Variants in SOX6 observed in about 807,000 individuals in gnomAD.
SOX6 encodes transcription factor SOX-6.
SOX6 carries 11 observed loss-of-function variants against 97.8 expected under a neutral mutation model. That is an observed-to-expected ratio of 0.11 (90% confidence interval 0.07 to 0.19). SOX6 has a LOEUF of 0.19. Ranked by LOEUF, SOX6 falls within the 10% of genes least tolerant of loss-of-function variation. SOX6 has a pLI of 1.00. For synonymous variants in SOX6, 360 were observed against 371.4 expected (o/e 0.97, Z 0.35); for missense variants, 810 against 1,039.5 (o/e 0.78, Z 3.04).
chr11:16,485,370 A>G (rs1234590427), intron 4 of SOX6, among the ~76,000 whole-genome samples: 1 of 152,126 alleles, frequency 6.6e-6, no homozygotes, highest in Non-Finnish European at 1.5e-5. Context: ...AGGGTCGTTT[A>G]AGGTGAGGAG....
intron 4 of SOX6, among the ~76,000 whole-genome samples, chr11:16,532,909 A>C (rs1192063282): frequency 6.6e-6 from 1 of 151,938 alleles, no homozygotes; most frequent in Non-Finnish European, 1.5e-5. Context: ...GGAATATTTC[A>C]GTTTAAATTA....
chr11:16,692,670 T>TC (rs35053479), intron 3 of SOX6, among the ~76,000 whole-genome samples: 349 of 152,306 alleles, frequency 2.3e-3, no homozygotes, highest in African/African-American at 8.1e-3. Flanking sequence ...ATAAGGGTTC[T>TC]CCCCAAAAGG....
At chr11:16,380,302 C>A (rs1413047852) in intron 1 of SOX6, among the ~76,000 whole-genome samples, 1 of 152,006 alleles carries the variant, frequency 6.6e-6, no homozygotes, top group African/African-American at 2.4e-5. Flanking sequence ...AAGATCCCAT[C>A]TTTCCTTTAA....
chr11:16,135,360 A>G (rs1442568807), intron 6 of SOX6, among the ~76,000 whole-genome samples: 1 of 152,222 alleles, frequency 6.6e-6, no homozygotes, highest in East Asian at 1.9e-4. Context: ...TATAGCTTTC[A>G]TACATAATGA....
chr11:16,474,548 G>A (rs1403109389), intron 1 of SOX6, among the ~76,000 whole-genome samples: 1 of 152,160 alleles, frequency 6.6e-6, no homozygotes, highest in Non-Finnish European at 1.5e-5. Context: ...ATGGCTAGGT[G>A]CATTATCAAT....
chr11:16,199,544 GA>G (rs1851877861), intron 4 of SOX6, among the ~76,000 whole-genome samples: 1 of 152,070 alleles, frequency 6.6e-6, no homozygotes, highest in African/African-American at 2.4e-5. Context: ...GGAAAAAAGA[GA>G]AATTTTAAAA....
chr11:16,638,832 T>G (rs527899668), intron 3 of SOX6, among the ~76,000 whole-genome samples: 2 of 152,368 alleles, frequency 1.3e-5, no homozygotes, highest in South Asian at 4.1e-4. Context: ...CTTTGTCAGA[T>G]GAGTAGATTG....
At chr11:16,060,956 C>A (rs2133928279) in intron 9 of SOX6, among the ~76,000 whole-genome samples, 1 of 151,522 alleles carries the variant, frequency 6.6e-6, no homozygotes, top group South Asian at 2.1e-4. Flanking sequence ...TAACAGATAC[C>A]CAATCAATAG....
chr11:16,197,026 G>A (rs1851798483), intron 4 of SOX6, among the ~76,000 whole-genome samples: 1 of 151,886 alleles, frequency 6.6e-6, no homozygotes, highest in Non-Finnish European at 1.5e-5. Flanking sequence ...TAGAGATGGG[G>A]TTTCACCATG....
intron 4 of SOX6, among the ~76,000 whole-genome samples, chr11:16,222,303 C>CCTG (rs1205245937): frequency 1.5e-4 from 23 of 152,114 alleles, no homozygotes; most frequent in African/African-American, 5.5e-4. Context: ...GCCCTGAACC[C>CCTG]CTGGGCTAAA....
chr11:16,466,746 C>CAT (rs1860041206), intron 1 of SOX6, among the ~76,000 whole-genome samples: 1 of 149,918 alleles, frequency 6.7e-6, no homozygotes, highest in Admixed American at 6.6e-5. Context: ...CCGGCTAAAA[C>CAT]GGTGAAACCC....
chr11:16,508,250 T>C (rs769298444), intron 4 of SOX6, among the ~76,000 whole-genome samples: 3 of 152,030 alleles, frequency 2.0e-5, no homozygotes, highest in Non-Finnish European at 4.4e-5. Flanking sequence ...AAATAACAGA[T>C]GCCAGTGAGG....
intron 1 of SOX6, among the ~76,000 whole-genome samples, chr11:16,438,123 G>GT (rs1362166585): frequency 6.6e-6 from 1 of 152,064 alleles, no homozygotes; most frequent in Non-Finnish European, 1.5e-5. Context: ...ATGTTTTTGT[G>GT]TGTGTGAGTG....
chr11:16,312,896 G>A (rs1029869298), intron 3 of SOX6: 12 of 152,084 alleles, frequency 7.9e-5, no homozygotes, highest in Non-Finnish European at 1.6e-4. Flanking sequence ...ATTAATCAAA[G>A]CTTTCCTGTA....
chr11:16,367,430 A>G (rs1267805324), intron 1 of SOX6, among the ~76,000 whole-genome samples: 3 of 152,174 alleles, frequency 2.0e-5, no homozygotes, highest in African/African-American at 7.2e-5. Flanking sequence ...TAATGATGCC[A>G]CTGGTGGCCC....
At chr11:16,044,829 C>T (rs767202298) in intron 12 of SOX6, among the ~76,000 whole-genome samples, 1 of 152,156 alleles carries the variant, frequency 6.6e-6, no homozygotes, top group African/African-American at 2.4e-5. Flanking sequence ...GAGAAAACAG[C>T]TCCCTTCAAC....
chr11:16,095,981 T>C lies in SOX6; in HGVS notation c.1101+15A>G, dbSNP rs767533079. On this transcript the variant is annotated intron_variant, in intron 9 of 15. Transcript: ENST00000683767. ...AGTCCCCAACCCAATGAAGCATCAATGGAAGCATTCATACCTCAATCTGTT... is the reference window on the plus strand; with the variant it reads ...AGTCCCCAACCCAATGAAGCATCAACGGAAGCATTCATACCTCAATCTGTT... 2 of 1,607,116 alleles carry C rather than the reference T, an allele frequency of 1.2e-6. No homozygotes were observed. The highest frequency in any genetic ancestry group is 1.7e-4 in the Middle Eastern group (1 of 6,018).
upstream of SOX6, among the ~76,000 whole-genome samples, chr11:16,358,151 A>G (rs1857119525): frequency 6.6e-6 from 1 of 152,188 alleles, no homozygotes; most frequent in South Asian, 2.1e-4. Flanking sequence ...AAAGGGCCAG[A>G]GCCATAGTGA....
intron 4 of SOX6, among the ~76,000 whole-genome samples, chr11:16,220,333 A>C (rs1016662681): frequency 3.3e-5 from 5 of 152,064 alleles, no homozygotes; most frequent in Admixed American, 2.0e-4. Flanking sequence ...AAACCAGATG[A>C]TTTAATAATA....
Sources: allele counts gnomAD v4.1 joint callset (sites outside exome capture counted in the v4.1 genomes callset), GRCh38; gene constraint gnomAD v4.1.1; transcripts MANE v1.5; gene names NCBI Gene and HGNC (gene_info 2026-07-23, HGNC 2026-07-21).